NINJ2: variants seen among roughly 807,000 people sequenced by gnomAD.
NINJ2 encodes ninjurin-2.
A neutral mutation model predicts 11.7 loss-of-function variants in NINJ2; 12 were observed. That is an observed-to-expected ratio of 1.02 (90% CI 0.66 to 1.66). NINJ2 has a LOEUF of 1.66. Among genes scored for constraint, NINJ2 ranks in the 40% most tolerant of loss-of-function variants. The probability of loss-of-function intolerance (pLI) is 0.00; values close to 1 mark genes in which losing one functional copy is unlikely to be tolerated. For synonymous variants in NINJ2, 93 were observed against 76.8 expected, an observed-to-expected ratio of 1.21 and a Z score of -1.10; for missense variants, 187 against 181.8, an observed-to-expected ratio of 1.03 and a Z score of -0.16.
At chr12:644,350 A>T (rs1005230219) in intron 1 of NINJ2, 4 of 152,254 alleles carry the variant, frequency 2.6e-5, no homozygotes, top group Non-Finnish European at 5.9e-5. Context: ...GATACTTTGT[A>T]TAGAAAGGCT....
intron 1 of NINJ2, among the ~76,000 whole-genome samples, chr12:578,514 C>T (rs1947502377): frequency 6.6e-6 from 1 of 152,076 alleles, no homozygotes; most frequent in African/African-American, 2.4e-5. Context: ...AATGTGGTCT[C>T]GCTATGTTGC....
At chr12:661,989 A>AT (rs1382974723) in intron 1 of NINJ2, among the ~76,000 whole-genome samples, 1 of 152,246 alleles carries the variant, frequency 6.6e-6, no homozygotes, top group Non-Finnish European at 1.5e-5. Flanking sequence ...CAGGCAATAC[A>AT]TACTAAATAA....
At chr12:568,686 C>T (rs1007037261) in intron 1 of NINJ2, among the ~76,000 whole-genome samples, 1 of 152,228 alleles carries the variant, frequency 6.6e-6, no homozygotes, top group Non-Finnish European at 1.5e-5. Context: ...CTGGGTTGTT[C>T]ATTATTGAGA....
At chr12:565,719 AGGTACTGCGGAG>A (rs1384136488) in intron 2 of NINJ2, 5 of 626,414 alleles carry the variant, frequency 8.0e-6, no homozygotes, top group African/African-American at 1.8e-5. Flanking sequence ...GTCATTCAGC[AGGTACTGCGGAG>A]GGTCTGCTCC....
chr12:645,642 A>G (rs946194751), intron 1 of NINJ2: 1 of 152,160 alleles, frequency 6.6e-6, no homozygotes. Context: ...ACTTCTGTCC[A>G]TGCACTCTCT....
chr12:618,341 T>TG, intron 1 of NINJ2, among the ~76,000 whole-genome samples: 1 of 14,936 alleles, frequency 6.7e-5, no homozygotes, highest in African/African-American at 2.5e-4. Context: ...GAGTTGGTAA[T>TG]AAGGTGGGGG....
intron 1 of NINJ2, among the ~76,000 whole-genome samples, chr12:629,896 A>AAAAAAAATATATATATAT: frequency 1.0e-3 from 10 of 9,892 alleles, no homozygotes; most frequent in Non-Finnish European, 1.4e-3. Flanking sequence ...AAAAAAAAAA[A>AAAAAAAATATATATATAT]ATATATATAT....
intron 1 of NINJ2, among the ~76,000 whole-genome samples, chr12:641,844 CAAAAA>C (rs10549771): frequency 3.4e-5 from 4 of 116,894 alleles, no homozygotes; most frequent in Admixed American, 8.8e-5. Context: ...GACTCCGTCT[CAAAAA>C]AAAAAAAAAA....
chr12:641,623 T>TC lies in NINJ2; in HGVS notation c.33+21704dup, dbSNP rs576769822. The stretch of plus-strand genomic sequence containing the variant: ...ACTCTGGGAGGCCGAGGCAGGCGGA[T>TC]CACAAGGTCAGGAGATGGAGACCAT... On this transcript the variant is annotated intron_variant, in intron 1 of 3. Coordinates refer to ENST00000305108, the MANE Select transcript of NINJ2 (RefSeq NM_016533.6). Among the ~76,000 whole-genome samples, 8 of 152,216 alleles carry TC rather than the reference T, an allele frequency of 5.3e-5. No individual in the cohort carries two copies. In the South Asian group the frequency reaches 1.7e-3, roughly 32 times the overall value.
chr12:663,437 T>G lies in NINJ2; in HGVS notation c.-77A>C, dbSNP rs1299822560. ...GTGGGCTCCTCCAGGCTCCGCCGTCTGAGTCTCTGCTGCTTTCTTCGGGTG... is the reference window on the plus strand; with the variant it reads ...GTGGGCTCCTCCAGGCTCCGCCGTCGGAGTCTCTGCTGCTTTCTTCGGGTG... On this transcript the variant is annotated 5_prime_UTR_variant, in exon 1 of 4. Coordinates refer to ENST00000305108, the MANE Select transcript of NINJ2 (RefSeq NM_016533.6). 3.1e-6 allele frequency: 5 copies of G among 1,613,850 alleles called. No individual in the cohort carries two copies. The African/African-American group carries it at 6.7e-5, about 22-fold the overall frequency.
intron 1 of NINJ2, among the ~76,000 whole-genome samples, chr12:609,794 AAAC>A (rs1339219670): frequency 1.4e-5 from 2 of 146,760 alleles, no homozygotes; most frequent in South Asian, 2.2e-4. Flanking sequence ...AAAATAGGGA[AAAC>A]AACAACAGCA....
chr12:610,954 C>CA (rs1948020929), intron 1 of NINJ2, among the ~76,000 whole-genome samples: 1 of 152,024 alleles, frequency 6.6e-6, no homozygotes, highest in Non-Finnish European at 1.5e-5. Flanking sequence ...AGGCTGGTCT[C>CA]AAACTCCTGA....
At chr12:582,700 T>G (rs1314510802) in intron 1 of NINJ2, among the ~76,000 whole-genome samples, 1 of 47,300 alleles carries the variant, frequency 2.1e-5, no homozygotes, top group Admixed American at 2.8e-4. Context: ...CAGGCAGGCA[T>G]GCTAGAGTGA....
At chr12:636,435 A>C (rs1422746540) in intron 1 of NINJ2, among the ~76,000 whole-genome samples, 4 of 151,952 alleles carry the variant, frequency 2.6e-5, no homozygotes, top group Admixed American at 2.0e-4. Flanking sequence ...AAGAGTGAAA[A>C]GACAACCTAC....
intron 1 of NINJ2, among the ~76,000 whole-genome samples, chr12:660,185 G>C (rs1937939203): frequency 6.6e-6 from 1 of 150,952 alleles, no homozygotes; most frequent in Non-Finnish European, 1.5e-5. Context: ...CTATTTAGGA[G>C]GCTGAGGCAG....
intron 1 of NINJ2, among the ~76,000 whole-genome samples, chr12:649,995 G>T (rs984126115): frequency 1.3e-5 from 2 of 151,574 alleles, no homozygotes; most frequent in African/African-American, 4.9e-5. Context: ...TTTTTGTTAT[G>T]AATAATATTT....
intron 1 of NINJ2, among the ~76,000 whole-genome samples, chr12:658,707 T>TG (rs1937910316): frequency 1.2e-5 from 1 of 82,362 alleles, no homozygotes; most frequent in Non-Finnish European, 2.6e-5. Context: ...TATGCTATGC[T>TG]ATGCTATGCT....
At chr12:656,160 C>T (rs965056755) in intron 1 of NINJ2, among the ~76,000 whole-genome samples, 1 of 151,456 alleles carries the variant, frequency 6.6e-6, no homozygotes, top group African/African-American at 2.4e-5. Flanking sequence ...GTCAAGAGAT[C>T]GAGACCATCC....
At position 573,296 on chromosome 12, in the gene NINJ2, G is replaced by C. The variant is rs930037978; in HGVS notation, c.34-7118C>G. 2.0e-5 allele frequency among the ~76,000 whole-genome samples: 3 copies of C among 152,172 alleles called. No individual in the cohort carries two copies. In the East Asian group the frequency reaches 5.8e-4, roughly 29 times the overall value. On this transcript the variant is annotated intron_variant, in intron 1 of 3. Coordinates refer to ENST00000305108, the MANE Select transcript of NINJ2 (RefSeq NM_016533.6). ...CCTGCCTCAGCCTCCCAAAGTACTG[G>C]GATTATAGGCGTGAGCCACCACACC...
Sources: allele counts gnomAD v4.1 joint callset (sites outside exome capture counted in the v4.1 genomes callset), GRCh38; gene constraint gnomAD v4.1.1; transcripts MANE v1.5; gene names NCBI Gene and HGNC (gene_info 2026-07-23, HGNC 2026-07-21).